ABCA5: variants seen among roughly 807,000 people sequenced by gnomAD.
ABCA5 encodes ATP binding cassette subfamily A member 5, also known as cholesterol transporter ABCA5.
A neutral mutation model predicts 206.0 loss-of-function variants in ABCA5; 163 were observed. The observed-to-expected ratio is 0.79, with a 90% CI of 0.70 to 0.90. The LOEUF (loss-of-function observed/expected upper bound fraction) is 0.90, where lower values mean the gene tolerates loss of function less well. Ranked by LOEUF, ABCA5 falls within the 40% of genes least tolerant of loss-of-function variation. The pLI, the probability that ABCA5 is intolerant of heterozygous loss-of-function variation, is 0.00. For missense variants in ABCA5, 1,859 were observed against 1,912.9 expected (o/e 0.97, Z 0.53); for synonymous variants, 609 against 613.8 (o/e 0.99, Z 0.11).
chr17:69,295,035 A>T (rs559818189), intron 10 of ABCA5, among the ~76,000 whole-genome samples: 1 of 152,270 alleles, frequency 6.6e-6, no homozygotes, highest in South Asian at 2.1e-4. Context: ...TGTTTAGCAT[A>T]TATTTTGTAG....
intron 18 of ABCA5, among the ~76,000 whole-genome samples, chr17:69,283,466 CACT>C (rs983952364): frequency 6.6e-6 from 1 of 152,190 alleles, no homozygotes; most frequent in Non-Finnish European, 1.5e-5. Context: ...ATAGCTTCCA[CACT>C]ACAATAGGAA....
chr17:69,310,518 A>G (rs2075758356), intron 3 of ABCA5, among the ~76,000 whole-genome samples: 1 of 152,192 alleles, frequency 6.6e-6, no homozygotes, highest in African/African-American at 2.4e-5. Context: ...AATCCTTCTC[A>G]GAAACTAAAT....
intron 11 of ABCA5, among the ~76,000 whole-genome samples, chr17:69,293,516 T>C (rs76821037): frequency 0.017 from 2,605 of 152,286 alleles, 73 homozygotes; most frequent in African/African-American, 0.058. Context: ...TTGCTGTAGA[T>C]GTCATTAACT....
At chr17:69,289,131 G>C (rs760763563) in intron 14 of ABCA5, 46 bp downstream of exon 14, 2 of 1,556,964 alleles carry the variant, frequency 1.3e-6, no homozygotes, top group Non-Finnish European at 1.7e-6. Context: ...TTTTTAATTC[G>C]ACATAATTTA....
At chr17:69,293,535 C>CA (rs1367317655) in intron 11 of ABCA5, among the ~76,000 whole-genome samples, 28 of 152,222 alleles carry the variant, frequency 1.8e-4, no homozygotes, top group Non-Finnish European at 4.4e-5. Context: ...CTTTTATAAT[C>CA]ATCTGAGTTA....
At position 69,255,575 on chromosome 17, in the gene ABCA5, G is replaced by A. The variant is rs2075066616; in HGVS notation, c.4036C>T (p.Leu1346=). The A allele has an allele frequency of 6.3e-7, 1 of 1,580,556 alleles. No homozygotes were observed. Residue 1346 remains leucine, a synonymous_variant, in exon 31 of 39, where the codon CTG becomes TTG. Coordinates refer to ENST00000392676, the MANE Select transcript of ABCA5 (RefSeq NM_172232.4). The part of the protein sequence containing the change: ...GAGKSTIINI[L]VGDIEPTSGQ... ...GAAGTTGGTTCAATATCACCAACCA[G>A]AATATTAATAATTGTGCTTTTGCCA... is the stretch of plus-strand genomic sequence containing the variant.
chr17:69,319,055 A>G (rs191370491), intron 1 of ABCA5: 171 of 353,174 alleles, frequency 4.8e-4, no homozygotes, highest in Non-Finnish European at 8.1e-4. Flanking sequence ...ATATTTTCAT[A>G]TTAGACTCTG....
At chr17:69,313,983 G>A (rs191343132) in intron 2 of ABCA5, among the ~76,000 whole-genome samples, 75 of 152,164 alleles carry the variant, frequency 4.9e-4, no homozygotes, top group African/African-American at 1.7e-3. Context: ...CATAAAATAC[G>A]AGGTTGTGGG....
chr17:69,249,705 ATC>A, intron 37 of ABCA5, 198 bp downstream of exon 37: 1 of 586,900 alleles, frequency 1.7e-6, no homozygotes. Flanking sequence ...ATAAAAGGTT[ATC>A]TTCTTATCTG....
intron 1 of ABCA5, among the ~76,000 whole-genome samples, chr17:69,323,871 T>C (rs1447422365): frequency 6.6e-6 from 1 of 152,176 alleles, no homozygotes; most frequent in Non-Finnish European, 1.5e-5. Context: ...TGCTTCTGCA[T>C]TTTTAAAAGG....
At chr17:69,322,738 T>C (rs148235962) in intron 1 of ABCA5, among the ~76,000 whole-genome samples, 1 of 152,052 alleles carries the variant, frequency 6.6e-6, no homozygotes. Flanking sequence ...ACTAAATACC[T>C]GTGGAATAAA....
In ABCA5 at chr17:69,271,339, T is replaced by G. The variant is rs771412928; in HGVS notation, c.2765-50A>C. ...ATAAAAAATGAGTCTAAACGAGGCT[T>G]TTAGTAACACTGGGAAGATAATTCT... On this transcript the variant is annotated intron_variant, in intron 20 of 38. Transcript: ENST00000392676. The G allele has an allele frequency of 4.6e-6, 7 of 1,535,522 alleles. No individual in the cohort carries two copies. In the South Asian group the frequency reaches 8.4e-5, roughly 18 times the overall value.
At position 69,255,774 on chromosome 17, in the gene ABCA5, T is replaced by C. The variant is rs1233436814; in HGVS notation, c.3935A>G (p.Lys1312Arg). 5 of 1,598,654 alleles carry C rather than the reference T, an allele frequency of 3.1e-6. No homozygotes were observed. The highest frequency in any genetic ancestry group is 4.3e-6 in the Non-Finnish European group (5 of 1,175,118). ...AGAGATGTATTTAGTTGCCACTTTC[T>C]TTACTTTTCTTGAAAGAAGAAAATC... ...KKDFLLSRKV[K>R]KVATKYISFC... Residue 1312 changes from lysine to arginine, a missense_variant, in exon 30 of 39, where the codon AAG becomes AGG. Physicochemically the swap from Lys to Arg is conservative, Grantham distance 26 (BLOSUM62 2). Transcript: ENST00000392676.
intron 28 of ABCA5, among the ~76,000 whole-genome samples, chr17:69,257,013 T>C (rs1196303175): frequency 6.6e-6 from 1 of 152,000 alleles, no homozygotes; most frequent in Non-Finnish European, 1.5e-5. Context: ...ATGAAGTGCT[T>C]GCAAAGGCAA....
In ABCA5 at chr17:69,298,316, G is replaced by GAGGAAGGAAGGAAGGAAAGAAGGAAGGA. The variant is rs2075612870; in HGVS notation, c.1268-958_1268-957insTCCTTCCTTCTTTCCTTCCTTCCTTCCT. 4.8e-5 allele frequency among the ~76,000 whole-genome samples: 2 copies of GAGGAAGGAAGGAAGGAAAGAAGGAAGGA among 42,058 alleles called. 1 individual carries two copies. The highest frequency in any genetic ancestry group is 1.3e-4 in the Non-Finnish European group (2 of 15,770). 27.6% of individuals were successfully genotyped at this position (42,058 alleles called of 152,430 possible). On this transcript the variant is annotated intron_variant, in intron 9 of 38. Coordinates refer to ENST00000392676, the MANE Select transcript of ABCA5 (RefSeq NM_172232.4). ...GGGGAAAGAGAAAGAAAGAGAGAGA[G>GAGGAAGGAAGGAAGGAAAGAAGGAAGGA]AGGAAGGAAGGAAGGAAGGAAGGAA...
Position 69,272,548 on chromosome 17 carries a change from C to T in ABCA5, c.2765-1259G>A, listed in dbSNP as rs116002685. Among the ~76,000 whole-genome samples the T allele has an allele frequency of 4.1e-3, 627 of 151,950 alleles. 8 individuals are homozygous for T. Among genetic ancestry groups the T allele is most frequent in the African/African-American group, 0.014 (592 of 41,472 alleles). On this transcript the variant is annotated intron_variant, in intron 20 of 38. Transcript: ENST00000392676. ...AAATATTTGAGATACATGTACAATT[C>T]CCTGGACACATATAAAAAATGTCAA... is the stretch of plus-strand genomic sequence containing the variant.
At chr17:69,280,446 C>G (rs1357832455) in intron 18 of ABCA5, among the ~76,000 whole-genome samples, 1 of 150,424 alleles carries the variant, frequency 6.6e-6, no homozygotes, top group Non-Finnish European at 1.5e-5. Flanking sequence ...GCACTGTAAA[C>G]TAGTTCAACC....
intron 17 of ABCA5, among the ~76,000 whole-genome samples, 169 bp downstream of exon 17, chr17:69,285,729 G>GT (rs1598177907): frequency 6.6e-6 from 1 of 151,770 alleles, no homozygotes; most frequent in Admixed American, 6.6e-5. Flanking sequence ...ATTTTGCTGT[G>GT]TTTTTTCTGG....
chr17:69,306,518 G>A (rs973442034), intron 6 of ABCA5, among the ~76,000 whole-genome samples: 1 of 151,948 alleles, frequency 6.6e-6, no homozygotes, highest in African/African-American at 2.4e-5. Flanking sequence ...CACAAGCTTT[G>A]ACATTCTTCA....
Sources: gnomAD v4.1 joint callset for allele counts (sites outside exome capture counted in the v4.1 genomes callset) on GRCh38, gnomAD v4.1.1 for gene constraint, MANE v1.5 for transcripts, NCBI Gene and HGNC (gene_info 2026-07-23, HGNC 2026-07-21) for gene names.